TAF5: variants seen among roughly 807,000 people sequenced by gnomAD.
TAF5 encodes TATA-box binding protein associated factor 5.
A neutral mutation model predicts 80.9 loss-of-function variants in TAF5; 20 were observed. That is an observed-to-expected ratio of 0.25 (90% confidence interval 0.17 to 0.36). TAF5 has a LOEUF of 0.36. TAF5 is among the 10% of genes least tolerant of loss of function. The pLI is 1.00. For synonymous variants in TAF5, 388 were observed against 406.4 expected, an observed-to-expected ratio of 0.95 and a Z score of 0.55; for missense variants, 863 against 1,029.4, an observed-to-expected ratio of 0.84 and a Z score of 2.21.
intron 1 of TAF5, among the ~76,000 whole-genome samples, chr10:103,369,282 A>G (rs772605091): frequency 2.2e-4 from 34 of 151,324 alleles, no homozygotes; most frequent in Non-Finnish European, 3.1e-4. Flanking sequence ...CCCGGCCGCC[A>G]TACAATATAC....
At chr10:103,387,468 T>C in intron 9 of TAF5, 53 bp from the exon 10 acceptor site, 1 of 1,555,202 alleles carries the variant, frequency 6.4e-7, no homozygotes, top group South Asian at 1.2e-5. Flanking sequence ...ACTTTAAAAT[T>C]TTGTCTTATT....
intron 1 of TAF5, among the ~76,000 whole-genome samples, 175 bp downstream of exon 1, chr10:103,368,723 C>T (rs947902558): frequency 2.0e-5 from 3 of 152,344 alleles, no homozygotes; most frequent in South Asian, 4.1e-4. Context: ...AACCCCCTTC[C>T]GAGCTGTCAG....
chr10:103,378,952 G>C lies in TAF5; in HGVS notation c.1113+402G>C, dbSNP rs943201384. 6.6e-6 allele frequency among the ~76,000 whole-genome samples: 1 copy of C among 152,148 alleles called. No homozygotes were observed. Among genetic ancestry groups the C allele is most frequent in the East Asian group, 1.9e-4 (1 of 5,192 alleles). ...TGGCATAACAGGCGTGAGCTACTGC[G>C]CCTGGCCGCTTGGAAACAATTTTAT... is the stretch of plus-strand genomic sequence containing the variant. On this transcript the variant is annotated intron_variant, in intron 3 of 10. Transcript: ENST00000369839. The surrounding 1 kb of genome is among the most constrained non-coding windows in gnomAD (Gnocchi z 4.1).
intron 1 of TAF5, among the ~76,000 whole-genome samples, chr10:103,371,831 C>T (rs1408295175): frequency 1.3e-5 from 2 of 152,080 alleles, no homozygotes; most frequent in Non-Finnish European, 2.9e-5. Flanking sequence ...GTGCCATTTG[C>T]ACAGAGCATT....
intron 2 of TAF5, among the ~76,000 whole-genome samples, chr10:103,376,744 A>G (rs942182779): frequency 6.6e-6 from 1 of 152,170 alleles, no homozygotes; most frequent in Admixed American, 6.5e-5. Flanking sequence ...CTGCTTCTAC[A>G]AAAAGTAAAC....
rs547205761 is a variant in TAF5, at chr10:103,382,450, C to T, written c.1534+609C>T. On this transcript the variant is annotated intron_variant, in intron 6 of 10. Transcript: ENST00000369839. The stretch of plus-strand genomic sequence containing the variant: ...ATGTTGGCCAGGCTGGTCTCGAACT[C>T]CTGACCTCAAGTGATCCGCCTGTCT... Among the ~76,000 whole-genome samples, 36 of 152,086 alleles carry T rather than the reference C, an allele frequency of 2.4e-4. 1 individual carries two copies. In the South Asian group the frequency reaches 7.1e-3, roughly 30 times the overall value.
At position 103,375,869 on chromosome 10, in the gene TAF5, C is replaced by T. The variant is rs564068320; in HGVS notation, c.797+2274C>T. Among the ~76,000 whole-genome samples, 50 of 151,900 alleles carry T rather than the reference C, an allele frequency of 3.3e-4. 1 individual carries two copies. In the East Asian group the frequency reaches 9.5e-3, roughly 29 times the overall value. ...GGTCAGGAGTTTGAGACCAGCCTGGCCAACATAACAAAACCCTGTCTCTAC... is the reference window on the plus strand; with the variant it reads ...GGTCAGGAGTTTGAGACCAGCCTGGTCAACATAACAAAACCCTGTCTCTAC... On this transcript the variant is annotated intron_variant, in intron 2 of 10. Coordinates refer to ENST00000369839, the MANE Select transcript of TAF5 (RefSeq NM_006951.5).
chr10:103,379,494 C>G (rs569709318), intron 3 of TAF5, 114 bp from the exon 4 acceptor site: 5 of 966,796 alleles, frequency 5.2e-6, no homozygotes, highest in South Asian at 2.0e-5. Flanking sequence ...AATACAGAAC[C>G]CTGCTTCAGA....
chr10:103,381,106 G>C (rs1191591039), intron 5 of TAF5, among the ~76,000 whole-genome samples: 2 of 150,750 alleles, frequency 1.3e-5, no homozygotes, highest in Admixed American at 1.3e-4. Context: ...GAGCCACCAC[G>C]CCCAGCTAAT....
At chr10:103,369,089 C>T (rs1270488952) in intron 1 of TAF5, among the ~76,000 whole-genome samples, 1 of 151,558 alleles carries the variant, frequency 6.6e-6, no homozygotes, top group Non-Finnish European at 1.5e-5. Flanking sequence ...AGCAATTCTC[C>T]TGCCTCAGCC....
At chr10:103,384,692 G>A (rs553817899) in intron 7 of TAF5, among the ~76,000 whole-genome samples, 3 of 152,298 alleles carry the variant, frequency 2.0e-5, no homozygotes, top group African/African-American at 4.8e-5. Context: ...TCATCATTAC[G>A]AAACTTTGAG....
rs896775816 is a variant in TAF5, at chr10:103,385,476, T to C, written c.1815T>C (p.His605=). The C allele has an allele frequency of 7.4e-6, 12 of 1,613,936 alleles. No individual in the cohort carries two copies. Among genetic ancestry groups the C allele is most frequent in the South Asian group, 1.1e-5 (1 of 91,052 alleles). ...GATATTATTTTGTGTCAGGGGGCCATGACCGAGTAGCTCGGTAAGAACACT... is the reference window on the plus strand; with the variant it reads ...GATATTATTTTGTGTCAGGGGGCCACGACCGAGTAGCTCGGTAAGAACACT... ...PYGYYFVSGG[H]DRVARLWATD... The change falls in exon 8 of 11, where the codon CAT becomes CAC. Residue 605 remains histidine (H), a synonymous_variant. Transcript: ENST00000369839.
chr10:103,375,112 C>A (rs2093367542), intron 2 of TAF5, among the ~76,000 whole-genome samples: 1 of 138,064 alleles, frequency 7.2e-6, no homozygotes. Flanking sequence ...AGAGTGAGAC[C>A]CTGTCTCAAA....
intron 3 of TAF5, 70 bp from the exon 4 acceptor site, chr10:103,379,538 C>T: frequency 7.9e-7 from 1 of 1,268,456 alleles, no homozygotes. Flanking sequence ...GTGATTTATC[C>T]TATCAAGATG....
chr10:103,371,459 G>A (rs912827413), intron 1 of TAF5, among the ~76,000 whole-genome samples: 4 of 152,162 alleles, frequency 2.6e-5, no homozygotes, highest in Admixed American at 6.6e-5. Flanking sequence ...AAAGAGCAAA[G>A]TGTACTATAA....
chr10:103,388,311 C>A lies in TAF5; in HGVS notation c.*88C>A. ...ACCTCAGTGATTAATATTTAAGCTA[C>A]AGAGAATGTTTTTGTCTATATGGAT... On this transcript the variant is annotated 3_prime_UTR_variant, in exon 11 of 11. Coordinates refer to ENST00000369839, the MANE Select transcript of TAF5 (RefSeq NM_006951.5). The A allele has an allele frequency of 8.5e-7, 1 of 1,180,566 alleles. No homozygotes were observed. The highest frequency in any genetic ancestry group is 1.2e-6 in the Non-Finnish European group (1 of 837,474). 73.1% of individuals were successfully genotyped at this position (1,180,566 alleles called of 1,614,324 possible).
chr10:103,368,310 C>G lies in TAF5; in HGVS notation c.321C>G (p.Ser107Arg). Residue 107 changes from serine (S) to arginine (R), a missense_variant, in exon 1 of 11, where the codon AGC becomes AGG. By Grantham distance (110) the Ser-to-Arg change is moderately radical (BLOSUM62 -1). Coordinates refer to ENST00000369839, the MANE Select transcript of TAF5 (RefSeq NM_006951.5). ...CCGTGCTGCAGTTCCTACGGCAGAG[C>G]AAACTCCGCGAGGCCGAAGAGGCGC... ...LLAVLQFLRQSKLREAEEALR... is the reference protein window; with the variant it reads ...LLAVLQFLRQRKLREAEEALR... 6.3e-7 allele frequency: 1 copy of G among 1,584,526 alleles called. No homozygotes were observed. Among genetic ancestry groups the G allele is most frequent in the East Asian group, 2.3e-5 (1 of 43,994 alleles).
intron 3 of TAF5, among the ~76,000 whole-genome samples, chr10:103,379,161 CT>C (rs2093376414): frequency 6.6e-6 from 1 of 152,166 alleles, no homozygotes; most frequent in Non-Finnish European, 1.5e-5. Context: ...AGGTCCCTGG[CT>C]CCTTCTGGTT....
chr10:103,371,518 GATTA>G (rs975386698), intron 1 of TAF5, among the ~76,000 whole-genome samples: 3 of 152,306 alleles, frequency 2.0e-5, no homozygotes, highest in Non-Finnish European at 2.9e-5. Context: ...TTAATTGACA[GATTA>G]ATTGACTGAT....
Sources: allele counts gnomAD v4.1 joint callset (sites outside exome capture counted in the v4.1 genomes callset), GRCh38; gene constraint gnomAD v4.1.1; non-coding constraint Gnocchi (gnomAD v3.1); transcripts MANE v1.5; gene names NCBI Gene and HGNC (gene_info 2026-07-23, HGNC 2026-07-21).